INVS: variants seen among roughly 807,000 people sequenced by gnomAD.
INVS encodes the protein inversin.
In INVS, 86 loss-of-function variants were observed where a neutral mutation model predicts 108.8. The ratio of observed to expected loss-of-function variants is 0.79; its 90% CI spans 0.66 to 0.95. The LOEUF is 0.95. Ranked by LOEUF, INVS falls within the 40% of genes least tolerant of loss-of-function variation. The probability of loss-of-function intolerance (pLI) is 0.00; values close to 1 mark genes in which losing one functional copy is unlikely to be tolerated. For missense variants in INVS, 1,169 were observed against 1,297.4 expected (o/e 0.90, Z 1.52); for synonymous variants, 455 against 473.5 (o/e 0.96, Z 0.51).
At chr9:100,285,857 G>T (rs552635412) in intron 13 of INVS, among the ~76,000 whole-genome samples, 1 of 152,304 alleles carries the variant, frequency 6.6e-6, no homozygotes, top group South Asian at 2.1e-4. Flanking sequence ...GAACCCTATT[G>T]TTTGCACGAA....
chr9:100,137,735 T>A (rs1396749883), intron 3 of INVS, among the ~76,000 whole-genome samples: 1 of 152,228 alleles, frequency 6.6e-6, no homozygotes, highest in Admixed American at 6.5e-5. Flanking sequence ...CAAATATATA[T>A]GAGTATGAAA....
chr9:100,222,513 G>T (rs1831183990), intron 3 of INVS, among the ~76,000 whole-genome samples: 1 of 152,176 alleles, frequency 6.6e-6, no homozygotes, highest in Non-Finnish European at 1.5e-5. Flanking sequence ...TTTGTTGAAT[G>T]AATGAATGAG....
intron 3 of INVS, among the ~76,000 whole-genome samples, chr9:100,195,519 G>T (rs184677835): frequency 2.4e-4 from 36 of 151,182 alleles, no homozygotes; most frequent in Non-Finnish European, 4.7e-4. Flanking sequence ...CGGGAGTCTC[G>T]CTTTGTTGCT....
At chr9:100,209,493 G>A (rs1259412504) in intron 3 of INVS, among the ~76,000 whole-genome samples, 2 of 152,056 alleles carry the variant, frequency 1.3e-5, no homozygotes, top group Admixed American at 6.5e-5. Context: ...AGTACTGGCC[G>A]GGTGCAGTGG....
At chr9:100,101,429 T>C (rs41273943) in intron 1 of INVS, 14 of 152,112 alleles carry the variant, frequency 9.2e-5, no homozygotes, top group Non-Finnish European at 1.8e-4. Flanking sequence ...TTCTCTCAAA[T>C]AACCTTAATA....
chr9:100,288,842 T>G (rs546568348), intron 13 of INVS, among the ~76,000 whole-genome samples: 1 of 152,182 alleles, frequency 6.6e-6, no homozygotes, highest in Admixed American at 6.5e-5. Context: ...CCCAGGCTGG[T>G]CTCAAACTCC....
rs200146131 is a variant in INVS at position 100,272,980 on chromosome 9, A to G, written c.1688A>G (p.Gln563Arg). 4.3e-6 allele frequency: 7 copies of G among 1,614,094 alleles called. No individual in the cohort carries two copies. The highest frequency in any genetic ancestry group is 5.9e-6 in the Non-Finnish European group (7 of 1,180,018). ...AIQDIAAFKI[Q>R]AVYKGYKVRK... ...CAAGACATCGCCGCCTTCAAAATCCAAGCTGTCTACAAAGGGTACAAGGTC... is the reference window on the plus strand; with the variant it reads ...CAAGACATCGCCGCCTTCAAAATCCGAGCTGTCTACAAAGGGTACAAGGTC... The change falls in exon 12 of 17, where the codon CAA becomes CGA. Residue 563 changes from glutamine to arginine, a missense_variant. This residue lies in a region of INVS where 271 missense variants were observed against 363.8 expected (regional missense o/e 0.74). Coordinates refer to ENST00000262457, the MANE Select transcript of INVS (RefSeq NM_014425.5).
intron 3 of INVS, among the ~76,000 whole-genome samples, chr9:100,206,179 AAT>A (rs956038204): frequency 1.1e-4 from 17 of 152,118 alleles, no homozygotes; most frequent in South Asian, 4.1e-4. Context: ...TTGAAATTTA[AAT>A]ATAATCTGAG....
intron 10 of INVS, among the ~76,000 whole-genome samples, chr9:100,253,748 C>A (rs1233706629): frequency 5.9e-5 from 9 of 151,836 alleles, no homozygotes; most frequent in Non-Finnish European, 1.2e-4. Context: ...ATGAACTCAT[C>A]TTTTTTTTGT....
intron 5 of INVS, among the ~76,000 whole-genome samples, chr9:100,235,820 T>C (rs1831671796): frequency 6.6e-6 from 1 of 152,162 alleles, no homozygotes; most frequent in African/African-American, 2.4e-5. Context: ...CATTTGAACC[T>C]TGGTGAATCT....
At chr9:100,154,751 A>G (rs1264962401) in intron 3 of INVS, among the ~76,000 whole-genome samples, 1 of 152,104 alleles carries the variant, frequency 6.6e-6, no homozygotes, top group Non-Finnish European at 1.5e-5. Flanking sequence ...ATTTTCTTAT[A>G]TTTTTAAAAG....
intron 2 of INVS, among the ~76,000 whole-genome samples, chr9:100,106,175 G>T (rs1827174124): frequency 6.6e-6 from 1 of 152,080 alleles, no homozygotes; most frequent in Non-Finnish European, 1.5e-5. Flanking sequence ...TTTCAGTATG[G>T]TATCTACAAA....
rs1554731818 is a variant in INVS at position 100,301,138 on chromosome 9, A to ATC, written c.*465_*466dup. 3,716 of 141,958 alleles carry ATC rather than the reference A, an allele frequency of 0.026. 102 individuals are homozygous for ATC. Among genetic ancestry groups the ATC allele is most frequent in the African/African-American group, 0.12 (2,652 of 22,124 alleles). 8.8% of individuals were successfully genotyped at this position (141,958 alleles called of 1,614,324 possible). ...TCCTGGCATCTAATGCAACAAACTT[A>ATC]TCACACACACACACACACACACACA... On this transcript the variant is annotated 3_prime_UTR_variant, in exon 17 of 17. Coordinates refer to ENST00000262457, the MANE Select transcript of INVS (RefSeq NM_014425.5).
intron 12 of INVS, among the ~76,000 whole-genome samples, chr9:100,281,016 C>A (rs1340224107): frequency 1.3e-5 from 2 of 152,050 alleles, no homozygotes; most frequent in African/African-American, 2.4e-5. Context: ...CAGAGTGAGA[C>A]CCTGTTTCTA....
At chr9:100,213,989 C>A (rs891802437) in intron 3 of INVS, among the ~76,000 whole-genome samples, 3 of 152,202 alleles carry the variant, frequency 2.0e-5, no homozygotes, top group African/African-American at 7.2e-5. Flanking sequence ...ACCCATCCCT[C>A]AGCCCAGCAT....
chr9:100,102,419 T>A (rs1048676483), intron 1 of INVS: 2 of 152,210 alleles, frequency 1.3e-5, no homozygotes, highest in African/African-American at 4.8e-5. Context: ...ATTTTAGTGA[T>A]ACGATGTTCC....
chr9:100,257,841 T>C (rs1301645771), intron 10 of INVS, among the ~76,000 whole-genome samples: 2 of 152,210 alleles, frequency 1.3e-5, no homozygotes, highest in Non-Finnish European at 1.5e-5. Flanking sequence ...GCCCTTAACA[T>C]TTTTTCCTTC....
chr9:100,173,336 C>T (rs902557828), intron 3 of INVS, among the ~76,000 whole-genome samples: 3 of 152,166 alleles, frequency 2.0e-5, no homozygotes, highest in African/African-American at 7.2e-5. Flanking sequence ...ACAGGGCCTA[C>T]TCAGTTCTTC....
chr9:100,177,631 G>A (rs1235667185), intron 3 of INVS, among the ~76,000 whole-genome samples: 2 of 152,174 alleles, frequency 1.3e-5, no homozygotes, highest in African/African-American at 4.8e-5. Context: ...CCCAGTCAGG[G>A]GCTTATAGAT....
Sources: gnomAD v4.1 joint callset for allele counts (sites outside exome capture counted in the v4.1 genomes callset) on GRCh38, gnomAD v4.1.1 for gene constraint, gnomAD v4.1.1 regional missense constraint, MANE v1.5 for transcripts, NCBI Gene and HGNC (gene_info 2026-07-23, HGNC 2026-07-21) for gene names.